The following SDCCAG8 variants were observed in gnomAD, a reference collection of about 807,000 sequenced individuals.
SDCCAG8 encodes the protein serologically defined colon cancer antigen 8.
Under a neutral mutation model 101.8 loss-of-function variants are expected in SDCCAG8, and 74 were observed. The observed-to-expected ratio is 0.73, with a 90% CI of 0.60 to 0.88. SDCCAG8 has a LOEUF of 0.88. Ranked by LOEUF, SDCCAG8 falls within the 40% of genes least tolerant of loss-of-function variation. The pLI is 0.00. For missense variants in SDCCAG8, 787 were observed against 822.6 expected, an observed-to-expected ratio of 0.96 and a Z score of 0.53; for synonymous variants, 281 against 292.9, an observed-to-expected ratio of 0.96 and a Z score of 0.41.
chr1:243,304,306 C>G (rs755835518), intron 6 of SDCCAG8, among the ~76,000 whole-genome samples: 2 of 152,186 alleles, frequency 1.3e-5, no homozygotes, highest in Admixed American at 6.5e-5. Context: ...AGTCTATCAT[C>G]ATGTGATATA....
intron 16 of SDCCAG8, among the ~76,000 whole-genome samples, chr1:243,475,427 T>C (rs1314198092): frequency 2.0e-5 from 3 of 152,138 alleles, no homozygotes; most frequent in Admixed American, 6.5e-5. Flanking sequence ...GGGAGCAGCC[T>C]GGAAGAAGGC....
intron 16 of SDCCAG8, among the ~76,000 whole-genome samples, chr1:243,457,564 G>A (rs2083858959): frequency 6.6e-6 from 1 of 152,180 alleles, no homozygotes; most frequent in South Asian, 2.1e-4. Context: ...CAAATGCGGT[G>A]TATTTACTTT....
intron 11 of SDCCAG8, among the ~76,000 whole-genome samples, chr1:243,341,432 G>A (rs2075377629): frequency 6.6e-6 from 1 of 152,174 alleles, no homozygotes; most frequent in African/African-American, 2.4e-5. Context: ...AGGGTTAAGT[G>A]GCAGAGACAG....
At chr1:243,427,818 A>C (rs1392306784) in intron 16 of SDCCAG8, among the ~76,000 whole-genome samples, 1 of 152,204 alleles carries the variant, frequency 6.6e-6, no homozygotes, top group Non-Finnish European at 1.5e-5. Context: ...TTATTCATTC[A>C]CTATTAAAAT....
At chr1:243,412,138 C>T (rs1475828258) in intron 13 of SDCCAG8, among the ~76,000 whole-genome samples, 1 of 152,152 alleles carries the variant, frequency 6.6e-6, no homozygotes, top group Non-Finnish European at 1.5e-5. Context: ...TTATTTGACC[C>T]AGTGCCTAGC....
At position 243,341,040 on chromosome 1, in the gene SDCCAG8, T is replaced by C. The variant is rs1304569321; in HGVS notation, c.1223T>C (p.Met408Thr). The change falls in exon 11 of 18, where the codon ATG becomes ACG. Residue 408 changes from methionine to threonine, a missense_variant and splice_region_variant. By Grantham distance (81) the Met-to-Thr change is moderately conservative. Transcript: ENST00000366541. ...TAGGACTTTTATTTTCCCTTACAGA[T>C]GTTGATCTTGTCTCAGAATATTGCC... ...TKEREYMGSK[M>T]LILSQNIAQL... is the part of the protein sequence containing the mutation. 6.2e-7 allele frequency: 1 copy of C among 1,613,420 alleles called. No individual in the cohort carries two copies. The highest frequency in any genetic ancestry group is 1.1e-5 in the South Asian group (1 of 91,062).
chr1:243,499,808 A>C lies in SDCCAG8; in HGVS notation c.*23A>C. 6.2e-7 allele frequency: 1 copy of C among 1,608,900 alleles called. No individual in the cohort carries two copies. The highest frequency in any genetic ancestry group is 8.5e-7 in the Non-Finnish European group (1 of 1,175,850). On this transcript the variant is annotated 3_prime_UTR_variant, in exon 18 of 18. Transcript: ENST00000366541. ...TGACCTGGATGGAACAGAGTGAAAT[A>C]AATGATTTACAAAGAGATATTTACA...
intron 1 of SDCCAG8, among the ~76,000 whole-genome samples, chr1:243,256,467 G>A (rs1326455867): frequency 6.6e-6 from 1 of 152,230 alleles, no homozygotes; most frequent in East Asian, 1.9e-4. Context: ...TCAACTCCTT[G>A]ATCTTAACTT....
intron 13 of SDCCAG8, among the ~76,000 whole-genome samples, chr1:243,392,593 A>G (rs2078767293): frequency 2.0e-5 from 3 of 152,254 alleles, no homozygotes; most frequent in Admixed American, 2.0e-4. Context: ...AAGGAATAAT[A>G]AAATCCATCT....
intron 13 of SDCCAG8, among the ~76,000 whole-genome samples, chr1:243,389,033 G>A (rs12116461): frequency 0.08 from 11,628 of 145,570 alleles, 652 homozygotes; most frequent in Non-Finnish European, 0.11. Flanking sequence ...GTGGTGGTGC[G>A]TGCCTGTAGT....
At chr1:243,318,620 A>G (rs777424354) in intron 9 of SDCCAG8, 3 of 967,810 alleles carry the variant, frequency 3.1e-6, no homozygotes, top group Non-Finnish European at 1.2e-6. Context: ...TTTGACCCTC[A>G]TGCCTTTTGA....
chr1:243,299,603 G>A (rs879680048), intron 6 of SDCCAG8, among the ~76,000 whole-genome samples: 7 of 152,116 alleles, frequency 4.6e-5, no homozygotes, highest in Non-Finnish European at 7.4e-5. Flanking sequence ...TAGTAGAGAC[G>A]GGGTTTCATC....
At chr1:243,457,355 T>C (rs1334945204) in intron 16 of SDCCAG8, among the ~76,000 whole-genome samples, 1 of 152,216 alleles carries the variant, frequency 6.6e-6, no homozygotes, top group Non-Finnish European at 1.5e-5. Context: ...CGGTTTTAGA[T>C]CCAAAGCATC....
intron 14 of SDCCAG8, 62 bp downstream of exon 14, chr1:243,415,891 T>A: frequency 6.3e-7 from 1 of 1,591,438 alleles, no homozygotes; most frequent in East Asian, 2.3e-5. Flanking sequence ...CACGCCTTAC[T>A]GTGAAATGAC....
At chr1:243,466,857 A>G (rs886632741) in intron 16 of SDCCAG8, among the ~76,000 whole-genome samples, 1 of 152,220 alleles carries the variant, frequency 6.6e-6, no homozygotes. Context: ...TTGCGGTACA[A>G]CCCGGGACTA....
At chr1:243,431,788 G>A (rs185873537) in intron 16 of SDCCAG8, among the ~76,000 whole-genome samples, 1 of 152,142 alleles carries the variant, frequency 6.6e-6, no homozygotes, top group Non-Finnish European at 1.5e-5. Flanking sequence ...CTGAGCACCT[G>A]TGTCCTCTCA....
At chr1:243,460,796 C>T (rs1359348358) in intron 16 of SDCCAG8, among the ~76,000 whole-genome samples, 1 of 152,074 alleles carries the variant, frequency 6.6e-6, no homozygotes, top group Non-Finnish European at 1.5e-5. Context: ...TTTGTTGCAC[C>T]CCTGACGGCA....
intron 1 of SDCCAG8, among the ~76,000 whole-genome samples, chr1:243,263,617 G>T (rs2067357717): frequency 6.6e-6 from 1 of 152,146 alleles, no homozygotes; most frequent in Non-Finnish European, 1.5e-5. Flanking sequence ...TCCTGGATTT[G>T]CCAACACCCA....
intron 12 of SDCCAG8, among the ~76,000 whole-genome samples, chr1:243,370,363 G>A (rs377727596): frequency 6.6e-6 from 1 of 152,096 alleles, no homozygotes. Context: ...TTTTGTCTAT[G>A]ATGATTAGAA....
Sources: gnomAD v4.1 joint callset for allele counts (sites outside exome capture counted in the v4.1 genomes callset) on GRCh38, gnomAD v4.1.1 for gene constraint, MANE v1.5 for transcripts, NCBI Gene and HGNC (gene_info 2026-07-23, HGNC 2026-07-21) for gene names.